The following KBTBD4 variants were observed in gnomAD, a reference collection of about 807,000 sequenced individuals.
The protein encoded by KBTBD4 is kelch repeat and BTB domain-containing protein 4.
A neutral mutation model predicts 43.9 loss-of-function variants in KBTBD4; 30 were observed. The ratio of observed to expected loss-of-function variants is 0.68; its 90% CI spans 0.51 to 0.93. The LOEUF is 0.93. KBTBD4 is among the 40% of genes least tolerant of loss of function. The pLI is 0.00. For missense variants in KBTBD4, 575 were observed against 668.8 expected (o/e 0.86, Z 1.55); for synonymous variants, 258 against 256.9 (o/e 1.00, Z -0.04).
At position 47,577,705 on chromosome 11, in the gene KBTBD4, G is replaced by A; in HGVS notation, c.343C>T (p.Leu115=). The A allele has an allele frequency of 6.2e-7, 1 of 1,614,154 alleles. No homozygotes were observed. The highest frequency in any genetic ancestry group is 8.5e-7 in the Non-Finnish European group (1 of 1,180,020). ...QDVSESVFQL[L]VDYIYHGTVK... ...GTCCCATGGTAGATATAATCAACCA[G>A]GAGCTGGAAAACAGACTCGCTGACA... The change falls in exon 2 of 4, where the codon CTG becomes TTG. Residue 115 remains leucine, a synonymous_variant. Coordinates refer to ENST00000430070, the MANE Select transcript of KBTBD4 (RefSeq NM_018095.6).
At chr11:47,574,350 A>G (rs1360982465) in intron 3 of KBTBD4, among the ~76,000 whole-genome samples, 2 of 151,970 alleles carry the variant, frequency 1.3e-5, no homozygotes, top group Non-Finnish European at 2.9e-5. Flanking sequence ...TACAAAAATT[A>G]GCCGGGCGTG....
At chr11:47,575,791 C>A in intron 2 of KBTBD4, 92 bp from the exon 3 acceptor site, 1 of 754,212 alleles carries the variant, frequency 1.3e-6, no homozygotes, top group Non-Finnish European at 2.3e-6. Context: ...CTTTATTAGA[C>A]TACTGCTGGG....
At position 47,573,903 on chromosome 11, in the gene KBTBD4, T is replaced by A. The variant is rs972821748; in HGVS notation, c.745-113A>T. ...ACACTTGTTCCTAGCTTTATCATAC[T>A]ACTCTCTAATTACTGTATGGCATCC... is the stretch of plus-strand genomic sequence containing the variant. On this transcript the variant is annotated intron_variant, in intron 3 of 3. Coordinates refer to ENST00000430070, the MANE Select transcript of KBTBD4 (RefSeq NM_018095.6). The surrounding 1 kb of genome is among the most constrained non-coding windows in gnomAD (Gnocchi z 4.1). 1.0e-6 allele frequency: 1 copy of A among 953,938 alleles called. No homozygotes were observed. The highest frequency in any genetic ancestry group is 1.6e-6 in the Non-Finnish European group (1 of 639,918). 59.1% of individuals were successfully genotyped at this position (953,938 alleles called of 1,614,324 possible).
At position 47,572,895 on chromosome 11, in the gene KBTBD4, A is replaced by T. The variant is rs1302788086; in HGVS notation, c.*35T>A. 1.3e-6 allele frequency: 2 copies of T among 1,583,010 alleles called. No individual in the cohort carries two copies. The highest frequency in any genetic ancestry group is 3.5e-5 in the Admixed American group (2 of 56,852). ...ACTTTGAGTTTGTATGGGGAGGGAA[A>T]AGGAGTGAGCAGTTCTCCTCCCCTC... On this transcript the variant is annotated 3_prime_UTR_variant, in exon 4 of 4. Coordinates refer to ENST00000430070, the MANE Select transcript of KBTBD4 (RefSeq NM_018095.6).
At position 47,575,598 on chromosome 11, in the gene KBTBD4, A is replaced by G. The variant is rs1164166926; in HGVS notation, c.739T>C (p.Leu247=). ...AATTAAGAGATTTGCCTTACCTTCA[A>G]GCTTGTCCTGAGTGACTCTGCAAAA... ...EAFAESLRTS[L]KEIGENVHIY... The change falls in exon 3 of 4, where the codon TTG becomes CTG. Residue 247 remains leucine, a synonymous_variant. Coordinates refer to ENST00000430070, the MANE Select transcript of KBTBD4 (RefSeq NM_018095.6). 6.2e-7 allele frequency: 1 copy of G among 1,603,612 alleles called. No homozygotes were observed. Among genetic ancestry groups the G allele is most frequent in the Non-Finnish European group, 8.5e-7 (1 of 1,170,648 alleles).
intron 3 of KBTBD4, among the ~76,000 whole-genome samples, chr11:47,574,919 A>C (rs2097256379): frequency 1.3e-5 from 2 of 151,710 alleles, no homozygotes; most frequent in African/African-American, 2.4e-5. Flanking sequence ...CAGACACACA[A>C]AGAGGCCAGG....
In KBTBD4 at chr11:47,578,942, CTCCTT is replaced by C. The variant is rs1565939094; in HGVS notation, c.5_9del (p.Lys2ArgfsTer13). The C allele has an allele frequency of 6.4e-7, 1 of 1,551,854 alleles. No homozygotes were observed. Among genetic ancestry groups the C allele is most frequent in the Non-Finnish European group, 8.7e-7 (1 of 1,147,042 alleles). ...TGTCTCGCTTTCTCACCTGCGTTCCCTCCTTTCATCCCGGAGCCCGGAACCTCCGC... is the reference window on the plus strand; with the variant it reads ...TGTCTCGCTTTCTCACCTGCGTTCCCTCATCCCGGAGCCCGGAACCTCCGC... On this transcript the variant is annotated frameshift_variant, in exon 1 of 4. Transcript: ENST00000430070. LOFTEE classifies it high-confidence loss of function.
chr11:47,576,000 G>A (rs1026301403), intron 2 of KBTBD4, among the ~76,000 whole-genome samples: 2 of 151,318 alleles, frequency 1.3e-5, no homozygotes, highest in African/African-American at 4.9e-5. Context: ...CTACAGGTGT[G>A]CACCACCACG....
Position 47,578,966 on chromosome 11 carries a change from C to T in KBTBD4, c.-15G>A. The stretch of plus-strand genomic sequence containing the variant: ...CCTCCTTTCATCCCGGAGCCCGGAA[C>T]CTCCGCTTCCGGCTCCACGTCCGCC... On this transcript the variant is annotated 5_prime_UTR_variant, in exon 1 of 4. Coordinates refer to ENST00000430070, the MANE Select transcript of KBTBD4 (RefSeq NM_018095.6). 1 of 1,551,720 alleles carries T rather than the reference C, an allele frequency of 6.4e-7. No homozygotes were observed.
In KBTBD4 at chr11:47,573,907, C is replaced by T. The variant is rs2097254581; in HGVS notation, c.745-117G>A. The T allele has an allele frequency of 7.6e-6, 7 of 921,056 alleles. No homozygotes were observed. The highest frequency in any genetic ancestry group is 4.8e-4 in the Middle Eastern group (2 of 4,146). 57.1% of individuals were successfully genotyped at this position (921,056 alleles called of 1,614,324 possible). Reference sequence around the variant, plus strand: ...TTGTTCCTAGCTTTATCATACTACTCTCTAATTACTGTATGGCATCCAACT... The same window carrying T: ...TTGTTCCTAGCTTTATCATACTACTTTCTAATTACTGTATGGCATCCAACT... On this transcript the variant is annotated intron_variant, in intron 3 of 3. Transcript: ENST00000430070. The surrounding 1 kb of genome is among the most constrained non-coding windows in gnomAD (Gnocchi z 4.1).
At position 47,578,513 on chromosome 11, in the gene KBTBD4, C is replaced by G. The variant is rs757953934; in HGVS notation, c.19+420G>C. On this transcript the variant is annotated intron_variant, in intron 1 of 3. Transcript: ENST00000430070. ...TGGAGTTAAGACGCTCCATATGAAG[C>G]CTAGCCTGGGATATCCGTGGGTCTT... 28 of 648,172 alleles carry G rather than the reference C, an allele frequency of 4.3e-5. 2 individuals are homozygous for G. In the South Asian group the frequency reaches 4.9e-4, roughly 11 times the overall value. 40.2% of individuals were successfully genotyped at this position (648,172 alleles called of 1,614,324 possible).
At position 47,578,853 on chromosome 11, in the gene KBTBD4, C is replaced by T. The variant is rs952022156; in HGVS notation, c.19+80G>A. ...CCGCCTGGTTCTTCAGCGTCCTCGC[C>T]TTCTCTCTAGGCTCTGCCACAAGGA... On this transcript the variant is annotated intron_variant, in intron 1 of 3. Coordinates refer to ENST00000430070, the MANE Select transcript of KBTBD4 (RefSeq NM_018095.6). 3.2e-6 allele frequency: 5 copies of T among 1,550,146 alleles called. No individual in the cohort carries two copies. In the Admixed American group the frequency reaches 9.8e-5, roughly 30 times the overall value.
rs758715771 is a variant in KBTBD4, at chr11:47,575,610, G to C, written c.727C>G (p.Leu243Val). ...KEEREAFAESLRTSLKEIGEN... is the reference protein window; with the variant it reads ...KEEREAFAESVRTSLKEIGEN... ...TGCCTTACCTTCAAGCTTGTCCTGA[G>C]TGACTCTGCAAAAGCCTCTCTTTCC... The change falls in exon 3 of 4, where the codon CTC (leucine) becomes GTC (valine). Residue 243 changes from leucine (L) to valine (V), a missense_variant. Coordinates refer to ENST00000430070, the MANE Select transcript of KBTBD4 (RefSeq NM_018095.6). 1 of 1,610,996 alleles carries C rather than the reference G, an allele frequency of 6.2e-7. No individual in the cohort carries two copies. Among genetic ancestry groups the C allele is most frequent in the East Asian group, 2.2e-5 (1 of 44,830 alleles).
rs141320690 is a variant in KBTBD4 at position 47,573,335 on chromosome 11, C to G, written c.1200G>C (p.Gly400=). The change falls in exon 4 of 4, where the codon GGG becomes GGC. Residue 400 remains glycine, a synonymous_variant. Transcript: ENST00000430070. The surrounding 1 kb of genome is among the most constrained non-coding windows in gnomAD (Gnocchi z 4.1). ...AGAAGTCCAGATCATTCTCCTCCCC[C>G]CCTAGTAAGTAGATGATCCCGTTGA... ...ANLNGIIYLL[G]GEENDLDFFT... 256 of 1,614,220 alleles carry G rather than the reference C, an allele frequency of 1.6e-4. No homozygotes were observed. Among genetic ancestry groups the G allele is most frequent in the African/African-American group, 5.2e-4 (39 of 75,052 alleles).
chr11:47,577,363 C>T (rs1224862945), intron 2 of KBTBD4, 48 bp downstream of exon 2: 1 of 1,530,160 alleles, frequency 6.5e-7, no homozygotes, highest in Non-Finnish European at 8.8e-7. Flanking sequence ...ATTCACTGAA[C>T]ATCATAGCCA....
Position 47,572,728 on chromosome 11 carries a change from A to C in KBTBD4, c.*202T>G. ...GGAATGGCAGAGAACAGGCTGGCCT[A>C]CTGTCAGTTCAAGCAACCAGCTGAG... On this transcript the variant is annotated 3_prime_UTR_variant, in exon 4 of 4. Coordinates refer to ENST00000430070, the MANE Select transcript of KBTBD4 (RefSeq NM_018095.6). The C allele has an allele frequency of 1.7e-6, 1 of 600,948 alleles. No homozygotes were observed. The allele number at this position is 600,948 out of a possible 1,614,324, so 37.2% of individuals were successfully genotyped here. A position where few individuals can be genotyped will look rare whatever the true frequency, so the allele number is the denominator to read the frequency against.
rs1221111527 is a variant in KBTBD4 at position 47,575,879 on chromosome 11, C to T, written c.638-180G>A. On this transcript the variant is annotated intron_variant, in intron 2 of 3. Transcript: ENST00000430070. The stretch of plus-strand genomic sequence containing the variant: ...AATTGCTTTTTTTTTTTTTTTGAGG[C>T]AGGGTCTCACCCTGTCGCTCAGGCA... 4.0e-5 allele frequency among the ~76,000 whole-genome samples: 5 copies of T among 126,310 alleles called. No individual in the cohort carries two copies. In the East Asian group the frequency reaches 1.2e-3, roughly 29 times the overall value. The allele number at this position is 126,310 out of a possible 152,430, so 82.9% of individuals were successfully genotyped here. A position where few individuals can be genotyped will look rare whatever the true frequency, so the allele number is the denominator to read the frequency against.
rs781697777 is a variant in KBTBD4 at position 47,577,824 on chromosome 11, T to C, written c.224A>G (p.His75Arg). ...ISVEGREFQL[H>R]RLVLSAQSCF... is the part of the protein sequence containing the mutation. ...GCTCTGAGCTGAGAGGACCAGCCGA[T>C]GGAGCTGAAACTCCCGGCCTTCCAC... The change falls in exon 2 of 4, where the codon CAT becomes CGT. Residue 75 changes from histidine to arginine, a missense_variant. His to Arg is a conservative substitution (Grantham distance 29). Coordinates refer to ENST00000430070, the MANE Select transcript of KBTBD4 (RefSeq NM_018095.6). The C allele has an allele frequency of 3.7e-6, 6 of 1,614,220 alleles. No individual in the cohort carries two copies. The highest frequency in any genetic ancestry group is 5.1e-6 in the Non-Finnish European group (6 of 1,180,042).
chr11:47,573,565 A>C lies in KBTBD4; in HGVS notation c.970T>G (p.Trp324Gly). Reference sequence around the variant, plus strand: ...CGAGGCAAAGGAGCACACCACTCCCAGTCAACGGTGGCATTGTTGCACTTC... The same window carrying C: ...CGAGGCAAAGGAGCACACCACTCCCCGTCAACGGTGGCATTGTTGCACTTC... ...MWKCNNATVD[W>G]EWCAPLPRDR... The change falls in exon 4 of 4, where the codon TGG becomes GGG. Residue 324 changes from tryptophan (W) to glycine (G), a missense_variant. Physicochemically the swap from Trp to Gly is radical, Grantham distance 184 (BLOSUM62 -2). Transcript: ENST00000430070. This position sits in a 1 kb window ranked among gnomAD's most constrained non-coding sequence, Gnocchi z 4.1. 1 of 1,614,218 alleles carries C rather than the reference A, an allele frequency of 6.2e-7. No individual in the cohort carries two copies.
Sources: gnomAD v4.1 joint callset for allele counts (sites outside exome capture counted in the v4.1 genomes callset) on GRCh38, gnomAD v4.1.1 for gene constraint, Gnocchi (gnomAD v3.1) non-coding constraint, MANE v1.5 for transcripts, NCBI Gene and HGNC (gene_info 2026-07-23, HGNC 2026-07-21) for gene names.